The following SETD3 variants were observed in gnomAD, a reference collection of about 807,000 sequenced individuals.
SETD3 encodes actin-histidine N-methyltransferase.
A neutral mutation model predicts 63.0 loss-of-function variants in SETD3; 19 were observed. That is an observed-to-expected ratio of 0.30 (90% CI 0.21 to 0.44). SETD3 has a LOEUF of 0.44. Among genes scored for constraint, SETD3 ranks in the 20% least tolerant of loss-of-function variants. The pLI is 1.00. For missense variants in SETD3, 587 were observed against 728.5 expected (o/e 0.81, Z 2.24); for synonymous variants, 286 against 264.1 (o/e 1.08, Z -0.80).
At position 99,461,107 on chromosome 14, in the gene SETD3, C is replaced by T. The variant is rs181383525; in HGVS notation, c.345+85G>A. The T allele has an allele frequency of 9.6e-5, 142 of 1,486,386 alleles. 1 individual carries two copies. In the African/African-American group the frequency reaches 1.0e-3, roughly 11 times the overall value. The allele number at this position is 1,486,386 out of a possible 1,614,324, so 92.1% of individuals were successfully genotyped here. On this transcript the variant is annotated intron_variant, in intron 4 of 12. Transcript: ENST00000331768. ...TCAGAACTAGAACTCCCCCACCACA[C>T]GTCTACCTCTTCACCCTGCGCCCTC...
chr14:99,400,269 A>C lies in SETD3; in HGVS notation c.1178-10T>G, dbSNP rs1891320249. On this transcript the variant is annotated splice_polypyrimidine_tract_variant and intron_variant, in intron 11 of 12. Coordinates refer to ENST00000331768, the MANE Select transcript of SETD3 (RefSeq NM_032233.3). ...TGTTCTTTCAGTTCTTCTACAAGAA[A>C]TACAAATGGCAATCTGTTAGGAGGA... The C allele has an allele frequency of 6.2e-7, 1 of 1,608,488 alleles. No homozygotes were observed. Among genetic ancestry groups the C allele is most frequent in the Non-Finnish European group, 8.5e-7 (1 of 1,177,798 alleles).
At chr14:99,434,847 CAAAAAAAAAAAAAAAAAA>C (rs71110599) in intron 6 of SETD3, among the ~76,000 whole-genome samples, 2 of 30,396 alleles carry the variant, frequency 6.6e-5, no homozygotes, top group African/African-American at 1.3e-4. Flanking sequence ...AACTCTGCCT[CAAAAAAAAAAAAAAAAAA>C]AAAAAAAAAA....
chr14:99,435,742 AC>A (rs1893443821), intron 6 of SETD3, among the ~76,000 whole-genome samples: 2 of 96,836 alleles, frequency 2.1e-5, no homozygotes, highest in Non-Finnish European at 3.8e-5. Flanking sequence ...CCACCCCCCC[AC>A]CTTTTTTTTT....
At position 99,412,837 on chromosome 14, in the gene SETD3, T is replaced by C. The variant is rs10149003; in HGVS notation, c.849+114A>G. ...GCCGGTTCGGTTTTGTTTGTTCCTT[T>C]TGGAGGGAGGCAACGGGGGGAGTAC... On this transcript the variant is annotated intron_variant, in intron 8 of 12. Coordinates refer to ENST00000331768, the MANE Select transcript of SETD3 (RefSeq NM_032233.3). 8.3e-3 allele frequency: 6,152 copies of C among 741,260 alleles called. 268 individuals are homozygous for C. The African/African-American group carries it at 0.095, about 11-fold the overall frequency. 45.9% of individuals were successfully genotyped at this position (741,260 alleles called of 1,614,324 possible).
intron 4 of SETD3, among the ~76,000 whole-genome samples, chr14:99,459,720 C>T (rs1209411621): frequency 6.6e-6 from 1 of 152,218 alleles, no homozygotes. Flanking sequence ...AAATTTGTTT[C>T]CCAAAGCTTT....
chr14:99,452,229 C>CCCAAGTAGCTGGGATTACAGTCACG (rs1449144569), intron 6 of SETD3, among the ~76,000 whole-genome samples: 1 of 152,204 alleles, frequency 6.6e-6, no homozygotes, highest in Non-Finnish European at 1.5e-5. Context: ...GCCTCACCCT[C>CCCAAGTAGCTGGGATTACAGTCACG]CCAAGTAGCT....
At chr14:99,405,034 C>T (rs770298084) in intron 10 of SETD3, among the ~76,000 whole-genome samples, 171 bp downstream of exon 10, 19 of 152,200 alleles carry the variant, frequency 1.2e-4, no homozygotes, top group South Asian at 2.1e-4. Context: ...TACCTGAAAA[C>T]GCTGGTAAGC....
At chr14:99,400,502 G>T (rs6575717) in intron 11 of SETD3, among the ~76,000 whole-genome samples, 132,134 of 152,106 alleles carry the variant, frequency 0.87, 57,682 homozygotes, top group Non-Finnish European at 0.91. Context: ...TAGCACTCCA[G>T]TTTTCACTGT....
chr14:99,412,825 T>C lies in SETD3; in HGVS notation c.849+126A>G, dbSNP rs112128133. On this transcript the variant is annotated intron_variant, in intron 8 of 12. Coordinates refer to ENST00000331768, the MANE Select transcript of SETD3 (RefSeq NM_032233.3). ...TGGGGAGGAGTGGCCGGTTCGGTTT[T>C]GTTTGTTCCTTTTGGAGGGAGGCAA... The C allele has an allele frequency of 2.9e-3, 2,027 of 687,918 alleles. 37 individuals carry two copies. In the African/African-American group the frequency reaches 0.032, roughly 11 times the overall value. 42.6% of individuals were successfully genotyped at this position (687,918 alleles called of 1,614,324 possible).
At chr14:99,409,506 C>A (rs1237355817) in intron 8 of SETD3, among the ~76,000 whole-genome samples, 1 of 152,172 alleles carries the variant, frequency 6.6e-6, no homozygotes, top group Non-Finnish European at 1.5e-5. Context: ...GCAGCGCACA[C>A]CACTCACATC....
intron 8 of SETD3, among the ~76,000 whole-genome samples, chr14:99,409,653 C>T (rs1393565981): frequency 4.0e-5 from 6 of 151,210 alleles, no homozygotes; most frequent in Non-Finnish European, 5.9e-5. Context: ...AGAGTGAGGA[C>T]CATTTACATT....
intron 11 of SETD3, 133 bp from the exon 12 acceptor site, chr14:99,400,392 G>T: frequency 1.1e-6 from 1 of 925,446 alleles, no homozygotes; most frequent in Non-Finnish European, 1.6e-6. Flanking sequence ...CTACGCAATG[G>T]GCCAGGCCAC....
intron 2 of SETD3, among the ~76,000 whole-genome samples, 157 bp downstream of exon 2, chr14:99,465,546 G>A (rs1340590131): frequency 6.6e-6 from 1 of 152,188 alleles, no homozygotes; most frequent in Non-Finnish European, 1.5e-5. Flanking sequence ...GGTGAGGACT[G>A]CAAGCCTGGG....
At chr14:99,464,366 CTA>C (rs1380431563) in intron 2 of SETD3, among the ~76,000 whole-genome samples, 1 of 152,226 alleles carries the variant, frequency 6.6e-6, no homozygotes, top group Non-Finnish European at 1.5e-5. Context: ...TGGCAAATAA[CTA>C]ACAATAACTA....
intron 6 of SETD3, among the ~76,000 whole-genome samples, chr14:99,424,651 C>T (rs1055137974): frequency 9.2e-5 from 14 of 152,148 alleles, no homozygotes; most frequent in Admixed American, 9.2e-4. Context: ...CAGGGCTTCC[C>T]TTAGCTCTAA....
intron 1 of SETD3, among the ~76,000 whole-genome samples, chr14:99,468,863 G>A (rs1185587545): frequency 6.6e-6 from 1 of 152,174 alleles, no homozygotes; most frequent in African/African-American, 2.4e-5. Flanking sequence ...TCAGGTAACA[G>A]GCTCCTTGAG....
chr14:99,432,637 T>G (rs1005050489), intron 6 of SETD3, among the ~76,000 whole-genome samples: 7 of 152,216 alleles, frequency 4.6e-5, no homozygotes, highest in Non-Finnish European at 7.3e-5. Flanking sequence ...TCATCACATC[T>G]ACAAGGATTA....
intron 6 of SETD3, among the ~76,000 whole-genome samples, chr14:99,442,214 C>T (rs1375967345): frequency 6.6e-6 from 1 of 152,148 alleles, no homozygotes; most frequent in African/African-American, 2.4e-5. Flanking sequence ...GTAATCATAC[C>T]TTCTCATTGG....
chr14:99,412,886 C>A, intron 8 of SETD3, 65 bp downstream of exon 8: 1 of 1,131,524 alleles, frequency 8.8e-7, no homozygotes, highest in East Asian at 2.4e-5. Context: ...AATAACAGCC[C>A]CCTCCCAAAG....
Sources: allele counts gnomAD v4.1 joint callset (sites outside exome capture counted in the v4.1 genomes callset), GRCh38; gene constraint gnomAD v4.1.1; transcripts MANE v1.5; gene names NCBI Gene and HGNC (gene_info 2026-07-23, HGNC 2026-07-21).